The following MAMLD1 variants were observed in gnomAD, a reference collection of about 807,000 sequenced individuals.
MAMLD1 encodes mastermind-like domain-containing protein 1.
A neutral mutation model predicts 45.0 loss-of-function variants in MAMLD1; 14 were observed. The ratio of observed to expected loss-of-function variants is 0.31; its 90% CI spans 0.21 to 0.49. The LOEUF (loss-of-function observed/expected upper bound fraction) is 0.49, where lower values mean the gene tolerates loss of function less well. MAMLD1 is among the 20% of genes least tolerant of loss of function. The pLI is 0.99. For synonymous variants in MAMLD1, 254 were observed against 247.8 expected, an observed-to-expected ratio of 1.02 and a Z score of -0.24; for missense variants, 543 against 603.6, an observed-to-expected ratio of 0.90 and a Z score of 1.05.
intron 6 of MAMLD1, among the ~76,000 whole-genome samples, chrX:150,505,682 G>A (rs1232469261): frequency 8.9e-6 from 1 of 112,293 alleles, no homozygotes; most frequent in East Asian, 2.8e-4. Context: ...GGCCCAATTC[G>A]TGCTCATTAC....
At chrX:150,453,319 T>C (rs997847829) in intron 2 of MAMLD1, among the ~76,000 whole-genome samples, 5 of 112,296 alleles carry the variant, frequency 4.5e-5, no homozygotes, top group Non-Finnish European at 1.9e-5. Flanking sequence ...AGAGACCACA[T>C]GGCCTGCGAA....
chrX:150,414,412 C>T (rs1185152121), intron 1 of MAMLD1, among the ~76,000 whole-genome samples: 2 of 111,421 alleles, frequency 1.8e-5, no homozygotes, highest in Admixed American at 9.6e-5. Flanking sequence ...TATGTGATTG[C>T]GTAACCAATT....
chrX:150,512,860 G>C lies in MAMLD1; in HGVS notation c.*901G>C. On this transcript the variant is annotated 3_prime_UTR_variant, in exon 8 of 8. Transcript: ENST00000370401. Reference sequence around the variant, plus strand: ...TGCCACCTGCCGACTTTTTGCGCCAGCCCCAACCCCCACTAAATGATCTGA... The same window carrying C: ...TGCCACCTGCCGACTTTTTGCGCCACCCCCAACCCCCACTAAATGATCTGA... 1 of 1,155,825 alleles carries C rather than the reference G, an allele frequency of 8.7e-7. No individual in the cohort carries two copies. Among genetic ancestry groups the C allele is most frequent in the Non-Finnish European group, 1.1e-6 (1 of 872,801 alleles).
At chrX:150,484,332 C>T (rs1286571338) in intron 5 of MAMLD1, among the ~76,000 whole-genome samples, 2 of 112,248 alleles carry the variant, frequency 1.8e-5, no homozygotes, top group African/African-American at 6.5e-5. Context: ...GCTTTGTTGA[C>T]TTTTAATTTG....
At chrX:150,464,075 G>A (rs2036139511) in intron 3 of MAMLD1, among the ~76,000 whole-genome samples, 1 of 112,001 alleles carries the variant, frequency 8.9e-6, no homozygotes, top group African/African-American at 3.2e-5. Context: ...CACATGGTGG[G>A]CCAAGTACCC....
At chrX:150,468,978 A>AGTGTGTGTGTGTGTGTGTGT (rs67617988) in intron 3 of MAMLD1, among the ~76,000 whole-genome samples, 25 of 100,720 alleles carry the variant, frequency 2.5e-4, no homozygotes, top group African/African-American at 8.7e-4. Context: ...AATGTGTGAG[A>AGTGTGTGTGTGTGTGTGTGT]GTGTGTGTGT....
At chrX:150,441,025 T>A (rs1335365878) in intron 1 of MAMLD1, among the ~76,000 whole-genome samples, 1 of 104,839 alleles carries the variant, frequency 9.5e-6, no homozygotes, top group African/African-American at 3.4e-5. Flanking sequence ...TTTAATAATT[T>A]AATAATTAAT....
chrX:150,470,543 C>T lies in MAMLD1; in HGVS notation c.970C>T (p.Pro324Ser). 1 of 1,211,626 alleles carries T rather than the reference C, an allele frequency of 8.3e-7. No individual in the cohort carries two copies. The highest frequency in any genetic ancestry group is 3.0e-5 in the East Asian group (1 of 33,819). Residue 324 changes from proline (P) to serine (S), a missense_variant, in exon 4 of 8, where the codon CCC becomes TCC. Coordinates refer to ENST00000370401, the MANE Select transcript of MAMLD1 (RefSeq NM_005491.5). ...KQGSATKQQG[P>S]TPSWSGLPPP... The stretch of plus-strand genomic sequence containing the variant: ...GGGGTCTGCTACAAAGCAGCAAGGG[C>T]CCACCCCCAGTTGGTCTGGTCTGCC...
chrX:150,365,616 G>T (rs1304943394), intron 1 of MAMLD1, among the ~76,000 whole-genome samples: 1 of 113,408 alleles, frequency 8.8e-6, no homozygotes, highest in Non-Finnish European at 1.9e-5. Flanking sequence ...GGAGGCGGCA[G>T]CTCGGAGGCT....
intron 1 of MAMLD1, among the ~76,000 whole-genome samples, chrX:150,366,749 G>A (rs1404282218): frequency 1.8e-5 from 2 of 111,408 alleles, no homozygotes; most frequent in Non-Finnish European, 3.8e-5. Flanking sequence ...TCTGGGGGCC[G>A]CCCTGCCCTC....
At chrX:150,416,539 A>C (rs782358748) in intron 1 of MAMLD1, among the ~76,000 whole-genome samples, 6 of 111,902 alleles carry the variant, frequency 5.4e-5, no homozygotes, top group Admixed American at 9.5e-5. Context: ...GCTGCCTATA[A>C]AATTGCATTT....
intron 1 of MAMLD1, among the ~76,000 whole-genome samples, chrX:150,439,131 T>C (rs1230016507): frequency 4.4e-5 from 5 of 112,455 alleles, no homozygotes; most frequent in African/African-American, 9.7e-5. Context: ...TTGTTGGCCA[T>C]TTATATATCT....
At chrX:150,400,960 A>T (rs2124517013) in intron 1 of MAMLD1, among the ~76,000 whole-genome samples, 1 of 109,996 alleles carries the variant, frequency 9.1e-6, no homozygotes, top group East Asian at 2.8e-4. Context: ...TATCAGGATG[A>T]TGCTGGCCTC....
chrX:150,362,687 T>A (rs1172493796), upstream of MAMLD1: 1 of 111,948 alleles, frequency 8.9e-6, no homozygotes. Flanking sequence ...CAGCTCGTTT[T>A]CCCCAGACGC....
chrX:150,365,522 G>A (rs1164942628), intron 1 of MAMLD1, among the ~76,000 whole-genome samples: 1 of 113,246 alleles, frequency 8.8e-6, no homozygotes, highest in Middle Eastern at 4.2e-3. Flanking sequence ...CATAGGGGGC[G>A]CCCTTTCCTT....
intron 5 of MAMLD1, among the ~76,000 whole-genome samples, chrX:150,486,843 C>T (rs1479015383): frequency 8.9e-6 from 1 of 112,043 alleles, no homozygotes; most frequent in East Asian, 2.8e-4. Flanking sequence ...AAGCAGCACA[C>T]GGTGGTCACT....
chrX:150,404,413 G>A (rs1228997616), intron 1 of MAMLD1, among the ~76,000 whole-genome samples: 1 of 111,918 alleles, frequency 8.9e-6, no homozygotes, highest in Non-Finnish European at 1.9e-5. Flanking sequence ...GGCCATCAGA[G>A]CAATGAACAA....
chrX:150,391,927 T>C (rs1177521983), intron 1 of MAMLD1, among the ~76,000 whole-genome samples: 1 of 111,961 alleles, frequency 8.9e-6, no homozygotes, highest in Non-Finnish European at 1.9e-5. Context: ...AACACCACTC[T>C]GGCAAAATAG....
chrX:150,403,940 A>AAAAGAAAGAAAGGAAG (rs2033899109), intron 1 of MAMLD1, among the ~76,000 whole-genome samples: 2 of 58,882 alleles, frequency 3.4e-5, no homozygotes, highest in Non-Finnish European at 6.5e-5. Context: ...AGAAAGAAAG[A>AAAAGAAAGAAAGGAAG]AAAGAAAGAA....
Sources: allele counts gnomAD v4.1 joint callset (sites outside exome capture counted in the v4.1 genomes callset), GRCh38; gene constraint gnomAD v4.1.1; transcripts MANE v1.5; gene names NCBI Gene and HGNC (gene_info 2026-07-23, HGNC 2026-07-21).